The following CASS4 variants were observed in gnomAD, a reference collection of about 807,000 sequenced individuals.
The protein encoded by CASS4 is Cas scaffold protein family member 4.
CASS4 carries 22 observed loss-of-function variants against 54.2 expected under a neutral mutation model. That is an observed-to-expected ratio of 0.41 (90% confidence interval 0.29 to 0.58). CASS4 has a LOEUF of 0.58. Among genes scored for constraint, CASS4 ranks in the 20% least tolerant of loss-of-function variants. The probability of loss-of-function intolerance (pLI) is 0.36; values close to 1 mark genes in which losing one functional copy is unlikely to be tolerated. For synonymous variants in CASS4, 409 were observed against 391.5 expected (o/e 1.04, Z -0.53); for missense variants, 854 against 986.7 (o/e 0.87, Z 1.80).
intron 1 of CASS4, among the ~76,000 whole-genome samples, chr20:56,426,038 C>T (rs1392539594): frequency 1.3e-5 from 2 of 152,176 alleles, no homozygotes; most frequent in African/African-American, 4.8e-5. Context: ...CAAATGTCTC[C>T]GTTTCTCAGC....
chr20:56,454,900 G>T (rs189688880), intron 5 of CASS4, among the ~76,000 whole-genome samples: 1 of 152,252 alleles, frequency 6.6e-6, no homozygotes, highest in East Asian at 1.9e-4. Flanking sequence ...GAGTCCTGGA[G>T]ATCACTGAGT....
rs182003769 is a variant in CASS4, at chr20:56,417,041, A to T, written c.36+4547A>T. 3.0e-3 allele frequency among the ~76,000 whole-genome samples: 451 copies of T among 152,340 alleles called. 1 individual carries two copies. Among genetic ancestry groups the T allele is most frequent in the African/African-American group, 9.7e-3 (405 of 41,584 alleles). On this transcript the variant is annotated intron_variant, in intron 1 of 5. Transcript: ENST00000679887. Reference sequence around the variant, plus strand: ...TCAAGGTAAAAATGTAGAATTTTTTAAAAAATCTTCCACATCTCAAGGTTG... The same window carrying T: ...TCAAGGTAAAAATGTAGAATTTTTTTAAAAATCTTCCACATCTCAAGGTTG...
In CASS4 at chr20:56,433,258, G is replaced by A. The variant is rs533037147; in HGVS notation, c.37-3906G>A. ...TGTCAGGGACCCTTTTTCTAAGGAA[G>A]TGACATTTAAGATAAGCCTGAAAGG... On this transcript the variant is annotated intron_variant, in intron 1 of 5. Transcript: ENST00000679887. Among the ~76,000 whole-genome samples, 7 of 152,348 alleles carry A rather than the reference G, an allele frequency of 4.6e-5. No homozygotes were observed. In the East Asian group the frequency reaches 1.3e-3, roughly 29 times the overall value.
chr20:56,427,764 A>G (rs932663732), intron 1 of CASS4, among the ~76,000 whole-genome samples: 4 of 152,226 alleles, frequency 2.6e-5, no homozygotes, highest in Admixed American at 6.5e-5. Context: ...TGGTTTCTCT[A>G]TAACTAACTA....
chr20:56,451,767 C>T (rs543675510), intron 4 of CASS4, 52 bp from the exon 5 acceptor site: 6 of 1,379,718 alleles, frequency 4.3e-6, no homozygotes, highest in African/African-American at 2.9e-5. Context: ...AACGCACTCG[C>T]GCCCTCTTTG....
chr20:56,451,385 C>T (rs1980987254), intron 4 of CASS4, among the ~76,000 whole-genome samples: 2 of 152,178 alleles, frequency 1.3e-5, no homozygotes, highest in African/African-American at 4.8e-5. Context: ...TTGGATTCTA[C>T]CACATGTGTC....
chr20:56,455,935 AAAAC>A (rs201858337), intron 5 of CASS4, among the ~76,000 whole-genome samples: 2 of 151,868 alleles, frequency 1.3e-5, no homozygotes, highest in Non-Finnish European at 2.9e-5. Flanking sequence ...CTGTCTCAAG[AAAAC>A]AAACAAACAA....
intron 1 of CASS4, among the ~76,000 whole-genome samples, chr20:56,436,740 A>G (rs1004562780): frequency 3.3e-5 from 5 of 152,086 alleles, no homozygotes; most frequent in African/African-American, 1.2e-4. Flanking sequence ...TACAAAATTT[A>G]GCCCGGGGTG....
Position 56,453,019 on chromosome 20 carries a change from C to T in CASS4, c.1843C>T (p.Pro615Ser), listed in dbSNP as rs551061127. The T allele has an allele frequency of 1.2e-5, 19 of 1,613,952 alleles. No homozygotes were observed. Among genetic ancestry groups the T allele is most frequent in the African/African-American group, 1.1e-4 (8 of 74,906 alleles). ...EFKCEKYIQP[P>S]QRETESHQKS... The stretch of plus-strand genomic sequence containing the variant: ...TAAGTGTGAAAAATACATCCAGCCT[C>T]CCCAAAGAGAAACTGAATCACACCA... The change falls in exon 5 of 6, where the codon CCC becomes TCC. Residue 615 changes from proline (P) to serine (S), a missense_variant. Coordinates refer to ENST00000679887, the MANE Select transcript of CASS4 (RefSeq NM_020356.4).
intron 2 of CASS4, among the ~76,000 whole-genome samples, chr20:56,439,209 C>A (rs1980343016): frequency 1.3e-5 from 2 of 151,966 alleles, no homozygotes; most frequent in Non-Finnish European, 1.5e-5. Context: ...CGCTCTGTCT[C>A]CCAGGCTGGA....
chr20:56,445,816 G>A (rs1980679274), intron 2 of CASS4, 84 bp from the exon 3 acceptor site: 2 of 1,103,482 alleles, frequency 1.8e-6, no homozygotes, highest in Non-Finnish European at 2.7e-6. Context: ...AGCTGTCTCT[G>A]CTTTTGGAGA....
At chr20:56,442,038 G>A (rs1015976047) in intron 2 of CASS4, among the ~76,000 whole-genome samples, 6 of 149,018 alleles carry the variant, frequency 4.0e-5, no homozygotes, top group Non-Finnish European at 2.9e-5. Flanking sequence ...AGCGGCTGTT[G>A]GTAGACGGGG....
chr20:56,425,882 A>T (rs917933476), intron 1 of CASS4, among the ~76,000 whole-genome samples: 1 of 152,192 alleles, frequency 6.6e-6, no homozygotes, highest in African/African-American at 2.4e-5. Context: ...TTCCAGAAAG[A>T]TGCTATACTT....
intron 3 of CASS4, among the ~76,000 whole-genome samples, chr20:56,448,158 AT>A (rs1289342836): frequency 5.3e-4 from 79 of 149,676 alleles, no homozygotes; most frequent in Non-Finnish European, 1.3e-4. Context: ...AAAAAAAAAA[AT>A]AGTTATCAAT....
rs1198422513 is a variant in CASS4 at position 56,414,157 on chromosome 20, TA to T, written c.36+1665del. Among the ~76,000 whole-genome samples, 1 of 152,226 alleles carries T rather than the reference TA, an allele frequency of 6.6e-6. No homozygotes were observed. The highest frequency in any genetic ancestry group is 2.4e-5 in the African/African-American group (1 of 41,456). ...CTATTCAGTCTAATTCACGTTGATT[TA>T]ATAATGCCATTCTACTATTCAGTCC... On this transcript the variant is annotated intron_variant, in intron 1 of 5. Transcript: ENST00000679887. This position sits in a 1 kb window ranked among gnomAD's most constrained non-coding sequence, Gnocchi z 4.1.
chr20:56,445,797 T>C (rs1050974667), intron 2 of CASS4, 103 bp from the exon 3 acceptor site: 1 of 874,306 alleles, frequency 1.1e-6, no homozygotes, highest in Non-Finnish European at 1.8e-6. Flanking sequence ...CCTTCAGCAG[T>C]ATCCACCCAG....
At position 56,437,327 on chromosome 20, in the gene CASS4, G is replaced by T. The variant is rs1236494477; in HGVS notation, c.200G>T (p.Arg67Leu). The T allele has an allele frequency of 6.2e-7, 1 of 1,613,872 alleles. No individual in the cohort carries two copies. Among genetic ancestry groups the T allele is most frequent in the African/African-American group, 1.3e-5 (1 of 74,914 alleles). The part of the protein sequence containing the change: ...HGRQGLAPAN[R>L]LQILTEVAAD... ...AGGCAAGGCCTGGCCCCTGCCAACCGCCTCCAAATCCTCACGGAGGTCGCT... is the reference window on the plus strand; with the variant it reads ...AGGCAAGGCCTGGCCCCTGCCAACCTCCTCCAAATCCTCACGGAGGTCGCT... The change falls in exon 2 of 6, where the codon CGC (arginine) becomes CTC (leucine). Residue 67 changes from arginine (R) to leucine (L), a missense_variant. Arg to Leu is a moderately radical substitution (Grantham distance 102). Coordinates refer to ENST00000679887, the MANE Select transcript of CASS4 (RefSeq NM_020356.4). The surrounding 1 kb of genome is among the most constrained non-coding windows in gnomAD (Gnocchi z 4.7).
intron 2 of CASS4, among the ~76,000 whole-genome samples, chr20:56,439,276 C>A (rs184483113): frequency 1.3e-5 from 2 of 152,094 alleles, no homozygotes; most frequent in East Asian, 3.9e-4. Context: ...TCCAGCAATC[C>A]TCCTGCTTCA....
intron 1 of CASS4, among the ~76,000 whole-genome samples, chr20:56,422,920 C>A (rs1979476065): frequency 2.0e-5 from 3 of 152,226 alleles, no homozygotes; most frequent in Admixed American, 2.0e-4. Context: ...TCCCTGGTTT[C>A]TCTGGATAAA....
Sources: gnomAD v4.1 joint callset for allele counts (sites outside exome capture counted in the v4.1 genomes callset) on GRCh38, gnomAD v4.1.1 for gene constraint, Gnocchi (gnomAD v3.1) non-coding constraint, MANE v1.5 for transcripts, NCBI Gene and HGNC (gene_info 2026-07-23, HGNC 2026-07-21) for gene names.